LRRC28: variants seen among roughly 807,000 people sequenced by gnomAD.
The protein encoded by LRRC28 is leucine-rich repeat-containing protein 28.
In LRRC28, 39 loss-of-function variants were observed where a neutral mutation model predicts 45.7. The observed-to-expected ratio is 0.85, with a 90% CI of 0.66 to 1.12. The LOEUF is 1.12. Among genes scored for constraint, LRRC28 ranks in the 50% most tolerant of loss-of-function variants. The probability of loss-of-function intolerance (pLI) is 0.00; values close to 1 mark genes in which losing one functional copy is unlikely to be tolerated. For synonymous variants in LRRC28, 206 were observed against 178.8 expected (o/e 1.15, Z -1.22); for missense variants, 435 against 438.5 (o/e 0.99, Z 0.07).
At chr15:99,368,263 C>T (rs536679758) in intron 9 of LRRC28, among the ~76,000 whole-genome samples, 1 of 152,240 alleles carries the variant, frequency 6.6e-6, no homozygotes, top group South Asian at 2.1e-4. Flanking sequence ...GCAAAACTCT[C>T]CAGCTATGAA....
chr15:99,323,226 C>G (rs1955860396), intron 5 of LRRC28, among the ~76,000 whole-genome samples: 1 of 152,160 alleles, frequency 6.6e-6, no homozygotes. Flanking sequence ...GTGTAGAGAC[C>G]AGGTCCTTTC....
intron 5 of LRRC28, among the ~76,000 whole-genome samples, chr15:99,305,338 C>T (rs1260149591): frequency 6.6e-6 from 1 of 152,122 alleles, no homozygotes; most frequent in Non-Finnish European, 1.5e-5. Flanking sequence ...AGCGCTGAAA[C>T]TTGGTTTAAT....
chr15:99,256,688 A>G (rs2081031654), intron 2 of LRRC28, among the ~76,000 whole-genome samples: 2 of 152,238 alleles, frequency 1.3e-5, no homozygotes, highest in Admixed American at 1.3e-4. Flanking sequence ...TTTTTTGGAA[A>G]AAATTTTGCC....
chr15:99,379,331 G>T (rs895436518), intron 9 of LRRC28, among the ~76,000 whole-genome samples: 5 of 152,188 alleles, frequency 3.3e-5, no homozygotes, highest in African/African-American at 1.2e-4. Flanking sequence ...GCGTAGAGGT[G>T]TTAATTATAG....
intron 6 of LRRC28, among the ~76,000 whole-genome samples, chr15:99,336,049 G>A (rs1555569997): frequency 6.6e-6 from 1 of 152,114 alleles, no homozygotes; most frequent in Non-Finnish European, 1.5e-5. Context: ...TATTCATAAT[G>A]TTGTTGTTAT....
Position 99,266,236 on chromosome 15 carries a change from G to T in LRRC28, c.168+10111G>T, listed in dbSNP as rs188333565. 2.0e-5 allele frequency among the ~76,000 whole-genome samples: 3 copies of T among 152,254 alleles called. No homozygotes were observed. In the East Asian group the frequency reaches 5.8e-4, roughly 29 times the overall value. On this transcript the variant is annotated intron_variant, in intron 2 of 9. Coordinates refer to ENST00000301981, the MANE Select transcript of LRRC28 (RefSeq NM_144598.5). ...GTTAGCCCAGGAGAAAAACATTCCTGACTTTCTGCTTCAAATATGAACAGG... is the reference window on the plus strand; with the variant it reads ...GTTAGCCCAGGAGAAAAACATTCCTTACTTTCTGCTTCAAATATGAACAGG...
chr15:99,254,029 T>C (rs944710544), intron 1 of LRRC28, among the ~76,000 whole-genome samples: 5 of 152,246 alleles, frequency 3.3e-5, no homozygotes, highest in Non-Finnish European at 5.9e-5. Flanking sequence ...GAAAGCTCTT[T>C]GAATGTGTTA....
chr15:99,328,702 G>A (rs34908347), intron 5 of LRRC28, among the ~76,000 whole-genome samples: 14,205 of 147,498 alleles, frequency 0.096, 977 homozygotes, highest in East Asian at 0.3. Context: ...TATCTAGTAG[G>A]CCAGAGAGGA....
chr15:99,382,378 G>C (rs1412284762), intron 9 of LRRC28, among the ~76,000 whole-genome samples: 1 of 152,180 alleles, frequency 6.6e-6, no homozygotes, highest in African/African-American at 2.4e-5. Flanking sequence ...AGTTGGAAAT[G>C]CAGAAATCAC....
chr15:99,383,177 T>C (rs1320821507), intron 9 of LRRC28, among the ~76,000 whole-genome samples: 1 of 152,208 alleles, frequency 6.6e-6, no homozygotes, highest in African/African-American at 2.4e-5. Flanking sequence ...TCTGTAGATT[T>C]TCCTGTCTCT....
In LRRC28 at chr15:99,387,803, G is replaced by T. The variant is rs1958071690; in HGVS notation, c.*1701G>T. ...TTAATTTCAGACTTATCAAAAATTT[G>T]GTTGAGGGAATTTTTATTAGCTGCC... On this transcript the variant is annotated 3_prime_UTR_variant, in exon 10 of 10. Transcript: ENST00000301981. 1 of 152,044 alleles carries T rather than the reference G, an allele frequency of 6.6e-6. No homozygotes were observed. Among genetic ancestry groups the T allele is most frequent in the Non-Finnish European group, 1.5e-5 (1 of 68,014 alleles). 9.4% of individuals were successfully genotyped at this position (152,044 alleles called of 1,614,324 possible).
At chr15:99,296,032 C>G (rs1466569130) in intron 5 of LRRC28, among the ~76,000 whole-genome samples, 1 of 152,160 alleles carries the variant, frequency 6.6e-6, no homozygotes, top group Non-Finnish European at 1.5e-5. Flanking sequence ...AGTGGATCAG[C>G]CTTTTTCCTA....
intron 6 of LRRC28, among the ~76,000 whole-genome samples, chr15:99,342,692 G>A (rs1350294612): frequency 6.6e-6 from 1 of 152,140 alleles, no homozygotes; most frequent in East Asian, 1.9e-4. Context: ...CCTGAACTGT[G>A]CAAGAGAAAT....
intron 2 of LRRC28, among the ~76,000 whole-genome samples, chr15:99,274,738 G>C (rs555358412): frequency 2.0e-5 from 3 of 152,140 alleles, no homozygotes; most frequent in Non-Finnish European, 4.4e-5. Flanking sequence ...TTTTGAAAAT[G>C]TAAGATTTCT....
intron 5 of LRRC28, among the ~76,000 whole-genome samples, chr15:99,311,119 C>A (rs886935469): frequency 2.0e-5 from 3 of 152,052 alleles, no homozygotes; most frequent in African/African-American, 7.3e-5. Flanking sequence ...TGGGCATGCA[C>A]AGAAAAGATA....
intron 3 of LRRC28, chr15:99,285,024 A>G: frequency 1.5e-6 from 1 of 649,738 alleles, no homozygotes; most frequent in Non-Finnish European, 2.9e-6. Flanking sequence ...AGCACTAGCC[A>G]TCTCTTGGCT....
chr15:99,348,513 C>T (rs1956766582), intron 6 of LRRC28, among the ~76,000 whole-genome samples: 1 of 152,098 alleles, frequency 6.6e-6, no homozygotes, highest in Non-Finnish European at 1.5e-5. Flanking sequence ...TTCCCGGCAC[C>T]ATCTATTCAA....
intron 9 of LRRC28, among the ~76,000 whole-genome samples, chr15:99,376,701 C>A (rs921360222): frequency 2.0e-5 from 3 of 152,064 alleles, no homozygotes; most frequent in Non-Finnish European, 4.4e-5. Context: ...CACTTCCCCC[C>A]ACCCCACAAC....
intron 2 of LRRC28, chr15:99,258,366 T>G: frequency 8.1e-7 from 1 of 1,238,344 alleles, no homozygotes; most frequent in East Asian, 2.3e-5. Flanking sequence ...ACCATTACCC[T>G]TGTCTTAAAA....
Sources: gnomAD v4.1 joint callset for allele counts (sites outside exome capture counted in the v4.1 genomes callset) on GRCh38, gnomAD v4.1.1 for gene constraint, MANE v1.5 for transcripts, NCBI Gene and HGNC (gene_info 2026-07-23, HGNC 2026-07-21) for gene names.